RGS6: variants seen among roughly 807,000 people sequenced by gnomAD.
RGS6 encodes the protein regulator of G protein signaling 6.
In RGS6, 30 loss-of-function variants were observed where a neutral mutation model predicts 78.5. The observed-to-expected ratio is 0.38, with a 90% CI of 0.29 to 0.52. RGS6 has a LOEUF of 0.52. Ranked by LOEUF, RGS6 falls within the 20% of genes least tolerant of loss-of-function variation. RGS6 has a pLI of 0.85. For missense variants in RGS6, 495 were observed against 609.7 expected (o/e 0.81, Z 1.98); for synonymous variants, 206 against 206.0 (o/e 1.00, Z 0.00).
intron 2 of RGS6, among the ~76,000 whole-genome samples, chr14:72,306,021 C>T (rs1366823084): frequency 6.6e-6 from 1 of 152,198 alleles, no homozygotes; most frequent in Non-Finnish European, 1.5e-5. Flanking sequence ...TTTAAAAGGT[C>T]AATGCCTGGC....
In RGS6 at chr14:71,964,882, C is replaced by T. The variant is rs61755651; in HGVS notation, c.84+7C>T. 6.6e-3 allele frequency: 10,639 copies of T among 1,611,602 alleles called. 32 individuals carry two copies. The highest frequency in any genetic ancestry group is 8.1e-3 in the Non-Finnish European group (9,511 of 1,178,138). On this transcript the variant is annotated splice_region_variant and intron_variant, in intron 2 of 17. Transcript: ENST00000553525. Reference sequence around the variant, plus strand: ...CATGATCGTTTACTGCAAAGTAAGGCGCCTGGTCAAGTGCCGTGCGTGCTG... The same window carrying T: ...CATGATCGTTTACTGCAAAGTAAGGTGCCTGGTCAAGTGCCGTGCGTGCTG...
At chr14:71,893,720 A>T in the RGS6 span, among the ~76,000 whole-genome samples, 1 of 152,186 alleles carries the variant, frequency 6.6e-6, no homozygotes, top group Non-Finnish European at 1.5e-5. Context: ...GGATAAATAC[A>T]TATGTACCAT....
intron 1 of RGS6, among the ~76,000 whole-genome samples, chr14:71,952,101 G>C (rs1374540227): frequency 6.6e-6 from 1 of 151,910 alleles, no homozygotes; most frequent in African/African-American, 2.4e-5. Flanking sequence ...TAATTATCAC[G>C]ACTTGTATTT....
intron 2 of RGS6, among the ~76,000 whole-genome samples, chr14:71,998,652 C>T (rs945299895): frequency 1.3e-5 from 2 of 152,230 alleles, no homozygotes; most frequent in Admixed American, 1.3e-4. Flanking sequence ...ATCTCACTTC[C>T]ACCTTCTAGA....
the RGS6 span, among the ~76,000 whole-genome samples, chr14:71,875,367 T>A: frequency 1.8e-4 from 27 of 152,322 alleles, no homozygotes; most frequent in African/African-American, 6.3e-4. Context: ...CCTCATTTAA[T>A]CTTGGGAGGG....
the RGS6 span, among the ~76,000 whole-genome samples, chr14:71,915,229 C>A: frequency 2.2e-4 from 34 of 151,972 alleles, no homozygotes; most frequent in African/African-American, 8.0e-4. Context: ...TGCACTCCAA[C>A]CTGGGCGACA....
Position 72,065,995 on chromosome 14 carries a change from C to T in RGS6, c.84+101120C>T, listed in dbSNP as rs574649953. ...GTGCATCATTTTTTATGAAGTGGCC[C>T]TCATTATTAAGCCATGTCTCTGCCT... On this transcript the variant is annotated intron_variant, in intron 2 of 17. Coordinates refer to ENST00000553525, the MANE Select transcript of RGS6 (RefSeq NM_001204424.2). 1.8e-3 allele frequency among the ~76,000 whole-genome samples: 274 copies of T among 151,646 alleles called. 3 individuals carry two copies. Among genetic ancestry groups the T allele is most frequent in the African/African-American group, 6.4e-3 (265 of 41,244 alleles).
intron 12 of RGS6, 49 bp from the exon 13 acceptor site, chr14:72,495,103 G>C: frequency 9.2e-7 from 1 of 1,087,330 alleles, no homozygotes; most frequent in African/African-American, 1.5e-5. Flanking sequence ...GAATAAAGGG[G>C]TTTTCTAAGG....
chr14:72,361,414 C>T (rs1443708550), intron 3 of RGS6, among the ~76,000 whole-genome samples: 1 of 152,028 alleles, frequency 6.6e-6, no homozygotes, highest in Non-Finnish European at 1.5e-5. Context: ...GTAATTACCA[C>T]AAATTGTAAG....
chr14:72,518,570 G>T, intron 15 of RGS6, 33 bp downstream of exon 15: 1 of 1,594,316 alleles, frequency 6.3e-7, no homozygotes, highest in Non-Finnish European at 8.6e-7. Flanking sequence ...TTGTCATAAG[G>T]TGTTCATTTG....
At chr14:72,362,377 T>G (rs1190670209) in intron 3 of RGS6, among the ~76,000 whole-genome samples, 2 of 152,210 alleles carry the variant, frequency 1.3e-5, no homozygotes, top group African/African-American at 4.8e-5. Context: ...CCACAAACTA[T>G]AATTGCTTAC....
chr14:72,011,518 C>G (rs2085712047), intron 2 of RGS6, among the ~76,000 whole-genome samples: 1 of 151,618 alleles, frequency 6.6e-6, no homozygotes, highest in Admixed American at 6.6e-5. Flanking sequence ...TTCCAGAGAT[C>G]CAACAAAAAC....
chr14:72,059,629 C>T (rs1567121941), intron 2 of RGS6, among the ~76,000 whole-genome samples: 1 of 152,088 alleles, frequency 6.6e-6, no homozygotes, highest in Non-Finnish European at 1.5e-5. Context: ...CCTGTGAGCC[C>T]TAGGTTCCTA....
At chr14:72,232,396 C>T (rs901341363) in intron 2 of RGS6, among the ~76,000 whole-genome samples, 7 of 152,186 alleles carry the variant, frequency 4.6e-5, no homozygotes, top group African/African-American at 1.7e-4. Context: ...GAGGCTCCTG[C>T]CTCTGGGTCT....
chr14:72,614,545 A>G, the RGS6 span, among the ~76,000 whole-genome samples: 4 of 151,888 alleles, frequency 2.6e-5, no homozygotes, highest in Non-Finnish European at 5.9e-5. Flanking sequence ...CAGTGCCTGG[A>G]AATGCTTCAC....
chr14:72,388,135 A>G (rs918056185), intron 3 of RGS6, among the ~76,000 whole-genome samples: 1 of 152,176 alleles, frequency 6.6e-6, no homozygotes, highest in African/African-American at 2.4e-5. Context: ...CAGATGGAGA[A>G]TAGTGCTTGA....
intron 2 of RGS6, among the ~76,000 whole-genome samples, chr14:72,046,204 G>GT (rs200140046): frequency 5.3e-4 from 65 of 122,188 alleles, no homozygotes; most frequent in Non-Finnish European, 8.1e-4. Context: ...TCATTGTTGG[G>GT]TTTTTTTTTT....
At chr14:71,889,822 C>T in the RGS6 span, among the ~76,000 whole-genome samples, 1 of 152,132 alleles carries the variant, frequency 6.6e-6, no homozygotes. Context: ...GGTTTAACGC[C>T]ATCCCCTTGG....
intron 2 of RGS6, among the ~76,000 whole-genome samples, chr14:72,221,940 G>A (rs545074845): frequency 1.3e-5 from 2 of 152,316 alleles, no homozygotes; most frequent in African/African-American, 4.8e-5. Flanking sequence ...ATGTTTGGAT[G>A]TGAAATAGGT....
Sources: allele counts gnomAD v4.1 joint callset (sites outside exome capture counted in the v4.1 genomes callset), GRCh38; gene constraint gnomAD v4.1.1; transcripts MANE v1.5; gene names NCBI Gene and HGNC (gene_info 2026-07-23, HGNC 2026-07-21).